SPG11: variants seen among roughly 807,000 people sequenced by gnomAD.
SPG11 encodes SPG11 vesicle trafficking associated, spatacsin, also known as spatacsin.
In SPG11, 222 loss-of-function variants were observed where a neutral mutation model predicts 274.0. That is an observed-to-expected ratio of 0.81 (90% CI 0.73 to 0.91). The LOEUF is 0.91. SPG11 is among the 40% of genes least tolerant of loss of function. The pLI is 0.00. For synonymous variants in SPG11, 1,144 were observed against 1,039.7 expected, an observed-to-expected ratio of 1.10 and a Z score of -1.93; for missense variants, 3,114 against 2,872.7, an observed-to-expected ratio of 1.08 and a Z score of -1.92.
intron 15 of SPG11, among the ~76,000 whole-genome samples, chr15:44,618,820 A>G (rs2083662714): frequency 6.6e-6 from 1 of 151,848 alleles, no homozygotes; most frequent in Admixed American, 6.6e-5. Context: ...TCCATCTCAA[A>G]AAAAAAAAAA....
In SPG11 at chr15:44,637,981, T is replaced by C. The variant is rs139908104; in HGVS notation, c.1603-4344A>G. Among the ~76,000 whole-genome samples, 1,270 of 152,318 alleles carry C rather than the reference T, an allele frequency of 8.3e-3. 13 individuals are homozygous for C. The highest frequency in any genetic ancestry group is 0.029 in the African/African-American group (1,222 of 41,566). ...GATGATCCTAGGCCTAGGATATGTA[T>C]GTGTTTGTGTCTTCATTTTCAGCAA... On this transcript the variant is annotated intron_variant, in intron 7 of 39. Coordinates refer to ENST00000261866, the MANE Select transcript of SPG11 (RefSeq NM_025137.4).
At chr15:44,589,182 C>T (rs1423823502) in intron 28 of SPG11, 70 bp downstream of exon 28, 1 of 1,511,820 alleles carries the variant, frequency 6.6e-7, no homozygotes, top group Admixed American at 1.7e-5. Context: ...CCTAACTACC[C>T]CTCTAAAGTA....
intron 27 of SPG11, among the ~76,000 whole-genome samples, chr15:44,591,909 A>T (rs1275858541): frequency 6.6e-6 from 1 of 152,204 alleles, no homozygotes; most frequent in African/African-American, 2.4e-5. Flanking sequence ...CAGGAGTTCA[A>T]GACCAGCCTG....
chr15:44,643,544 A>G (rs2084517371), intron 7 of SPG11, among the ~76,000 whole-genome samples: 1 of 152,082 alleles, frequency 6.6e-6, no homozygotes, highest in Admixed American at 6.6e-5. Flanking sequence ...CTTAACGTGC[A>G]TAATAAACCT....
intron 18 of SPG11, among the ~76,000 whole-genome samples, chr15:44,610,387 C>A (rs2083430354): frequency 6.6e-6 from 1 of 151,646 alleles, no homozygotes; most frequent in Non-Finnish European, 1.5e-5. Flanking sequence ...ACATAAATTT[C>A]TTTTCTTTTT....
At chr15:44,566,500 A>C (rs532912654) in intron 36 of SPG11, among the ~76,000 whole-genome samples, 195 bp from the exon 37 acceptor site, 1 of 152,346 alleles carries the variant, frequency 6.6e-6, no homozygotes, top group South Asian at 2.1e-4. Context: ...AGTAGGATTC[A>C]GTGCCCCTTC....
chr15:44,598,169 A>T, intron 23 of SPG11, 96 bp downstream of exon 23: 1 of 814,220 alleles, frequency 1.2e-6, no homozygotes, highest in Non-Finnish European at 2.2e-6. Context: ...AGGGGGATTT[A>T]GTGAAAACAC....
At chr15:44,587,795 T>C (rs2082806006) in intron 28 of SPG11, among the ~76,000 whole-genome samples, 1 of 149,840 alleles carries the variant, frequency 6.7e-6, no homozygotes, top group African/African-American at 2.5e-5. Context: ...ATATAAAAAA[T>C]TATAGAATAA....
intron 17 of SPG11, among the ~76,000 whole-genome samples, chr15:44,612,731 AT>A (rs200000184): frequency 1.5e-4 from 22 of 148,692 alleles, no homozygotes; most frequent in African/African-American, 2.5e-4. Context: ...GTGGCTTCTA[AT>A]TTTTTTTTTT....
intron 25 of SPG11, among the ~76,000 whole-genome samples, chr15:44,595,714 A>T (rs144426313): frequency 1.3e-5 from 2 of 152,216 alleles, no homozygotes; most frequent in Non-Finnish European, 2.9e-5. Flanking sequence ...AGTACTAATC[A>T]TAAGAGAGTA....
chr15:44,629,269 T>C lies in SPG11; in HGVS notation c.1855A>G (p.Asn619Asp). 2 of 1,614,128 alleles carry C rather than the reference T, an allele frequency of 1.2e-6. No homozygotes were observed. Among genetic ancestry groups the C allele is most frequent in the South Asian group, 2.2e-5 (2 of 91,078 alleles). Residue 619 changes from asparagine (N) to aspartate (D), a missense_variant, in exon 9 of 40, where the codon AAC becomes GAC. By Grantham distance (23) the Asn-to-Asp change is conservative (BLOSUM62 1). Coordinates refer to ENST00000261866, the MANE Select transcript of SPG11 (RefSeq NM_025137.4). ...QLLNLTLSFL[N>D]NQIKELFIHT... The stretch of plus-strand genomic sequence containing the variant: ...ATGAAAAGCTCCTTTATTTGGTTGT[T>C]AAGGAAAGACAGTGTAAGATTAAGC...
intron 7 of SPG11, among the ~76,000 whole-genome samples, chr15:44,637,087 AAAC>A (rs1236607952): frequency 6.6e-6 from 1 of 152,094 alleles, no homozygotes; most frequent in Admixed American, 6.6e-5. Context: ...ACACATATAA[AAAC>A]AATGCAAAAT....
intron 7 of SPG11, among the ~76,000 whole-genome samples, chr15:44,635,382 C>A (rs535655429): frequency 6.6e-6 from 1 of 151,798 alleles, no homozygotes; most frequent in African/African-American, 2.4e-5. Context: ...TGAGACCAGC[C>A]TGGGCAACAT....
chr15:44,597,096 G>GAAA, intron 23 of SPG11, 153 bp from the exon 24 acceptor site: 3 of 508,248 alleles, frequency 5.9e-6, no homozygotes, highest in Non-Finnish European at 3.3e-6. Context: ...AGGCTACTTT[G>GAAA]AAAAAAGTAG....
intron 20 of SPG11, chr15:44,604,254 C>T: frequency 2.8e-6 from 1 of 354,398 alleles, no homozygotes; most frequent in Non-Finnish European, 5.6e-6. Flanking sequence ...TTACAAAGGT[C>T]TTACCTGAAA....
At chr15:44,587,551 G>A (rs756424474) in intron 28 of SPG11, among the ~76,000 whole-genome samples, 4 of 152,088 alleles carry the variant, frequency 2.6e-5, no homozygotes, top group Non-Finnish European at 4.4e-5. Flanking sequence ...TTAGCCAGGT[G>A]TGGTGGTGTG....
Position 44,608,494 on chromosome 15 carries a change from T to A in SPG11, c.3403A>T (p.Thr1135Ser), listed in dbSNP as rs1404221624. The A allele has an allele frequency of 1.4e-5, 23 of 1,613,818 alleles. No individual in the cohort carries two copies. Among genetic ancestry groups the A allele is most frequent in the Non-Finnish European group, 1.9e-5 (22 of 1,179,994 alleles). The change falls in exon 19 of 40, where the codon ACT (threonine) becomes TCT (serine). Residue 1135 changes from threonine (T) to serine (S), a missense_variant. Transcript: ENST00000261866. ...KLKTALFPQC[T>S]PPSVLPSDIT... Reference sequence around the variant, plus strand: ...TCAGATGGCAGGACACTAGGAGGAGTGCACTGTGGGAAGAGAGCAGTTTTT... The same window carrying A: ...TCAGATGGCAGGACACTAGGAGGAGAGCACTGTGGGAAGAGAGCAGTTTTT...
At chr15:44,611,066 C>A (rs1595879255) in intron 17 of SPG11, 81 bp from the exon 18 acceptor site, 554 of 255,802 alleles carry the variant, frequency 2.2e-3, no homozygotes, top group East Asian at 4.0e-3. Context: ...AGAACAATAA[C>A]ATAAATTTTT....
intron 1 of SPG11, 148 bp downstream of exon 1, chr15:44,663,243 C>G (rs1250279191): frequency 1.8e-6 from 2 of 1,089,038 alleles, no homozygotes; most frequent in Non-Finnish European, 2.6e-6. Context: ...GGAAACCACG[C>G]TCGCCTCTGG....
Sources: gnomAD v4.1 joint callset for allele counts (sites outside exome capture counted in the v4.1 genomes callset) on GRCh38, gnomAD v4.1.1 for gene constraint, MANE v1.5 for transcripts, NCBI Gene and HGNC (gene_info 2026-07-23, HGNC 2026-07-21) for gene names.